The following NTRK3 variants were observed in gnomAD, a reference collection of about 807,000 sequenced individuals.
NTRK3 encodes the protein neurotrophic receptor tyrosine kinase 3.
NTRK3 carries 24 observed loss-of-function variants against 91.7 expected under a neutral mutation model. The observed-to-expected ratio is 0.26, with a 90% CI of 0.19 to 0.37. NTRK3 has a LOEUF of 0.37. Among genes scored for constraint, NTRK3 ranks in the 10% least tolerant of loss-of-function variants. The pLI is 1.00. For missense variants in NTRK3, 880 were observed against 1,068.9 expected (o/e 0.82, Z 2.46); for synonymous variants, 483 against 404.0 (o/e 1.20, Z -2.34).
rs184380725 is a variant in NTRK3, at chr15:87,869,209, A to G, written c.*7726T>C. ...GGCCCAAACTCCCTCTCCTAGGGTC[A>G]GATCTCAGCCACGGCTCCTCTGCTC... On this transcript the variant is annotated 3_prime_UTR_variant, in exon 19 of 19. Coordinates refer to ENST00000394480, the Ensembl canonical transcript of NTRK3. 44 of 229,640 alleles carry G rather than the reference A, an allele frequency of 1.9e-4. No individual in the cohort carries two copies. The East Asian group carries it at 2.7e-3, about 14-fold the overall frequency. 14.2% of individuals were successfully genotyped at this position (229,640 alleles called of 1,614,324 possible). A position where few individuals can be genotyped will look rare whatever the true frequency, so the allele number is the denominator to read the frequency against.
chr15:88,211,660 G>A (rs4887211), intron 3 of NTRK3, among the ~76,000 whole-genome samples: 130,138 of 152,256 alleles, frequency 0.85, 55,887 homozygotes, highest in East Asian at 0.98. Flanking sequence ...AGGTGAACTA[G>A]TTCTCACAAT....
At chr15:88,039,598 T>C (rs1342565082) in intron 13 of NTRK3, among the ~76,000 whole-genome samples, 1 of 151,858 alleles carries the variant, frequency 6.6e-6, no homozygotes, top group Non-Finnish European at 1.5e-5. Flanking sequence ...TCCAATTCCA[T>C]AAATGGTTTA....
At chr15:87,920,601 G>A (rs755423155) in intron 17 of NTRK3, among the ~76,000 whole-genome samples, 3 of 152,196 alleles carry the variant, frequency 2.0e-5, no homozygotes, top group South Asian at 2.1e-4. Context: ...ATATGAAGAT[G>A]GCTGCCCCAG....
intron 13 of NTRK3, among the ~76,000 whole-genome samples, chr15:88,090,927 G>T (rs1047532440): frequency 2.6e-5 from 4 of 152,148 alleles, no homozygotes; most frequent in African/African-American, 7.2e-5. Context: ...CTGGTGCACG[G>T]CCATGCGTGC....
intron 17 of NTRK3, among the ~76,000 whole-genome samples, chr15:87,902,891 C>A (rs1299367407): frequency 1.3e-5 from 2 of 152,160 alleles, no homozygotes; most frequent in African/African-American, 4.8e-5. Flanking sequence ...GATAAGCCTC[C>A]TCTCACCCCG....
intron 3 of NTRK3, among the ~76,000 whole-genome samples, chr15:88,224,673 G>A (rs1436837515): frequency 2.0e-5 from 3 of 152,212 alleles, no homozygotes; most frequent in African/African-American, 7.2e-5. Context: ...GCTGTTATCT[G>A]GCCTGTGACA....
At chr15:88,140,705 G>C (rs1332454430) in intron 6 of NTRK3, among the ~76,000 whole-genome samples, 1 of 152,236 alleles carries the variant, frequency 6.6e-6, no homozygotes, top group African/African-American at 2.4e-5. Context: ...GTATGCTCAT[G>C]AGAGGATGAG....
chr15:87,952,129 AAGAAAGAAAAGAAAAGAAAAGAAGG>A (rs1341398951), intron 14 of NTRK3, among the ~76,000 whole-genome samples: 1 of 152,076 alleles, frequency 6.6e-6, no homozygotes, highest in Non-Finnish European at 1.5e-5. Flanking sequence ...TCCATTTCAA[AAGAAAGAAAAGAAAAGAAAAGAAGG>A]AGAAAGAAAG....
chr15:87,886,513 G>C (rs988474470), intron 17 of NTRK3, among the ~76,000 whole-genome samples: 2 of 150,454 alleles, frequency 1.3e-5, no homozygotes, highest in African/African-American at 5.0e-5. Context: ...ATATATTGTA[G>C]TATTCTTATT....
At chr15:88,107,657 G>C (rs2050862545) in intron 13 of NTRK3, among the ~76,000 whole-genome samples, 1 of 152,240 alleles carries the variant, frequency 6.6e-6, no homozygotes, top group Non-Finnish European at 1.5e-5. Flanking sequence ...AGAGCAGTGA[G>C]AGACAGGAGC....
At chr15:87,982,295 G>A (rs1409022379) in intron 14 of NTRK3, among the ~76,000 whole-genome samples, 1 of 152,294 alleles carries the variant, frequency 6.6e-6, no homozygotes, top group Middle Eastern at 3.4e-3. Flanking sequence ...CAACCCCTGA[G>A]CAGAAAGCAA....
At chr15:88,137,374 G>T (rs779580307) in intron 7 of NTRK3, 30 bp downstream of exon 7, 2 of 1,611,608 alleles carry the variant, frequency 1.2e-6, no homozygotes, top group East Asian at 2.2e-5. Flanking sequence ...CCTCCCTGGA[G>T]CCAGCTGGGC....
At chr15:88,246,902 G>C (rs1246131196) in intron 3 of NTRK3, among the ~76,000 whole-genome samples, 1 of 152,216 alleles carries the variant, frequency 6.6e-6, no homozygotes, top group African/African-American at 2.4e-5. Flanking sequence ...AGCCAGGGCT[G>C]ACAGTGCACT....
At chr15:88,103,739 C>T (rs931607378) in intron 13 of NTRK3, among the ~76,000 whole-genome samples, 1 of 152,080 alleles carries the variant, frequency 6.6e-6, no homozygotes, top group Non-Finnish European at 1.5e-5. Flanking sequence ...CACATGAAAG[C>T]GAGGGGTTAA....
intron 14 of NTRK3, among the ~76,000 whole-genome samples, chr15:87,996,065 G>A (rs540683829): frequency 1.2e-3 from 175 of 152,050 alleles, no homozygotes; most frequent in Non-Finnish European, 1.6e-3. Context: ...CCAGCATGAC[G>A]AAACCCCATC....
At chr15:87,902,766 G>GAAATACAA (rs2066529021) in intron 17 of NTRK3, among the ~76,000 whole-genome samples, 1 of 152,138 alleles carries the variant, frequency 6.6e-6, no homozygotes, top group East Asian at 1.9e-4. Flanking sequence ...TCTCAAGTTA[G>GAAATACAA]TTTCTATTTC....
At chr15:87,914,437 C>T (rs12595804) in intron 17 of NTRK3, among the ~76,000 whole-genome samples, 71,658 of 152,092 alleles carry the variant, frequency 0.47, 18,696 homozygotes, top group African/African-American at 0.71. Flanking sequence ...ATACTGACCA[C>T]TGGTGCCCAG....
intron 3 of NTRK3, among the ~76,000 whole-genome samples, chr15:88,185,720 A>C (rs1227474011): frequency 6.6e-6 from 1 of 152,044 alleles, no homozygotes; most frequent in African/African-American, 2.4e-5. Flanking sequence ...AGTGACAGCC[A>C]CCTTCCCCAG....
intron 13 of NTRK3, among the ~76,000 whole-genome samples, chr15:88,035,325 C>G (rs2078978296): frequency 6.6e-6 from 1 of 152,166 alleles, no homozygotes; most frequent in African/African-American, 2.4e-5. Context: ...CCACAGGACT[C>G]TAGTGGTTTA....
Sources: allele counts gnomAD v4.1 joint callset (sites outside exome capture counted in the v4.1 genomes callset), GRCh38; gene constraint gnomAD v4.1.1; transcripts MANE v1.5; gene names NCBI Gene and HGNC (gene_info 2026-07-23, HGNC 2026-07-21).